The following GIPC2 variants were observed in gnomAD, a reference collection of about 807,000 sequenced individuals.
GIPC2 encodes GIPC PDZ domain containing family member 2.
In GIPC2, 30 loss-of-function variants were observed where a neutral mutation model predicts 30.6. That is an observed-to-expected ratio of 0.98 (90% CI 0.73 to 1.33). The LOEUF (loss-of-function observed/expected upper bound fraction) is 1.33, where lower values mean the gene tolerates loss of function less well. Ranked by LOEUF, GIPC2 falls within the 40% of genes most tolerant of loss-of-function variation. GIPC2 has a pLI of 0.00. For synonymous variants in GIPC2, 167 were observed against 150.0 expected (o/e 1.11, Z -0.83); for missense variants, 414 against 390.3 (o/e 1.06, Z -0.51).
chr1:78,112,376 G>C (rs559710458), intron 3 of GIPC2: 2 of 516,000 alleles, frequency 3.9e-6, no homozygotes, highest in Non-Finnish European at 7.8e-6. Context: ...CAACCTTGTT[G>C]ACCTTCTCTG....
chr1:78,080,563 C>T, intron 1 of GIPC2, 112 bp from the exon 2 acceptor site: 1 of 627,920 alleles, frequency 1.6e-6, no homozygotes, highest in Middle Eastern at 3.8e-4. Context: ...TATGATGTAA[C>T]TCTTTACATC....
intron 2 of GIPC2, among the ~76,000 whole-genome samples, chr1:78,083,880 A>G (rs1280087907): frequency 2.0e-5 from 3 of 152,222 alleles, no homozygotes; most frequent in Non-Finnish European, 4.4e-5. Flanking sequence ...ACAACAAGAT[A>G]TTCTAGACCC....
At chr1:78,104,931 G>T (rs1662316687) in intron 3 of GIPC2, among the ~76,000 whole-genome samples, 1 of 152,178 alleles carries the variant, frequency 6.6e-6, no homozygotes, top group Non-Finnish European at 1.5e-5. Flanking sequence ...TTATGTAGTA[G>T]AGTTTTTCCT....
intron 1 of GIPC2, among the ~76,000 whole-genome samples, chr1:78,061,049 G>C (rs1661383546): frequency 6.6e-6 from 1 of 152,170 alleles, no homozygotes; most frequent in Non-Finnish European, 1.5e-5. Context: ...AGGGCCACCA[G>C]GGAGTCCTTG....
At chr1:78,055,470 C>G (rs928000080) in intron 1 of GIPC2, among the ~76,000 whole-genome samples, 3 of 152,152 alleles carry the variant, frequency 2.0e-5, no homozygotes, top group Non-Finnish European at 1.5e-5. Context: ...CAGGTTAAAG[C>G]AGTAGCTTTA....
intron 3 of GIPC2, 123 bp from the exon 4 acceptor site, chr1:78,119,270 C>A: frequency 1.7e-6 from 1 of 580,670 alleles, no homozygotes. Flanking sequence ...AGAAGGCCTA[C>A]GTTTTATCAA....
intron 3 of GIPC2, among the ~76,000 whole-genome samples, chr1:78,104,182 A>AGGGGGGGGGGG (rs150902349): frequency 7.0e-5 from 10 of 143,554 alleles, no homozygotes; most frequent in African/African-American, 2.7e-4. Flanking sequence ...TAGAGGGGGG[A>AGGGGGGGGGGG]GAGGGGGCCG....
chr1:78,071,217 T>C (rs1255942937), intron 1 of GIPC2, among the ~76,000 whole-genome samples: 1 of 152,212 alleles, frequency 6.6e-6, no homozygotes, highest in Non-Finnish European at 1.5e-5. Context: ...TAAATTACTG[T>C]GTTTATAATA....
chr1:78,046,297 C>G lies in GIPC2; in HGVS notation c.203C>G (p.Ala68Gly). 2 of 1,611,768 alleles carry G rather than the reference C, an allele frequency of 1.2e-6. No homozygotes were observed. Among genetic ancestry groups the G allele is most frequent in the Non-Finnish European group, 8.5e-7 (1 of 1,179,530 alleles). ...TTCTCCAGCATCCAGGAGCTCTACG[C>G]CCAGATCGCGGGCGCGTTTGAAATC... is the stretch of plus-strand genomic sequence containing the variant. ...EGFSSIQELY[A>G]QIAGAFEISP... Residue 68 changes from alanine to glycine, a missense_variant, in exon 1 of 6, where the codon GCC becomes GGC. Ala to Gly is a moderately conservative substitution (Grantham distance 60). Transcript: ENST00000370759.
chr1:78,112,876 A>G (rs948138488), intron 3 of GIPC2, among the ~76,000 whole-genome samples: 7 of 152,162 alleles, frequency 4.6e-5, no homozygotes, highest in African/African-American at 1.7e-4. Flanking sequence ...ATATATAAAC[A>G]TTTTATTTTA....
At chr1:78,123,703 C>A (rs1203261275) in intron 4 of GIPC2, among the ~76,000 whole-genome samples, 1 of 152,068 alleles carries the variant, frequency 6.6e-6, no homozygotes, top group Non-Finnish European at 1.5e-5. Flanking sequence ...GGTGATAGAT[C>A]CAGATCTGTT....
At chr1:78,073,018 C>G (rs1214763703) in intron 1 of GIPC2, among the ~76,000 whole-genome samples, 1 of 151,258 alleles carries the variant, frequency 6.6e-6, no homozygotes, top group Non-Finnish European at 1.5e-5. Flanking sequence ...ACTGTATTAG[C>G]CAGGATGGTC....
chr1:78,101,405 C>CTGTGTTTAG (rs1486626922), intron 3 of GIPC2, among the ~76,000 whole-genome samples: 4 of 152,126 alleles, frequency 2.6e-5, no homozygotes, highest in Non-Finnish European at 1.5e-5. Flanking sequence ...GTTTAGAACA[C>CTGTGTTTAG]AAAGTAGAAT....
At position 78,137,438 on chromosome 1, in the gene GIPC2, T is replaced by A. The variant is rs573573072; in HGVS notation, c.*1695T>A. On this transcript the variant is annotated 3_prime_UTR_variant, in exon 6 of 6. Transcript: ENST00000370759. ...ATTTATCAGCACTAGATATTAGATT[T>A]GAAATAAGTCATTGTTCATTATTGA... 1.2e-4 allele frequency: 18 copies of A among 152,326 alleles called. No individual in the cohort carries two copies. Among genetic ancestry groups the A allele is most frequent in the African/African-American group, 4.3e-4 (18 of 41,582 alleles). 9.4% of individuals were successfully genotyped at this position (152,326 alleles called of 1,614,324 possible).
chr1:78,107,824 C>CAAAAAAAA (rs35134592), intron 3 of GIPC2, among the ~76,000 whole-genome samples: 11 of 28,766 alleles, frequency 3.8e-4, no homozygotes, highest in Non-Finnish European at 4.8e-4. Flanking sequence ...AACTCTGTCT[C>CAAAAAAAA]AAAAAAAAAA....
chr1:78,064,565 G>A (rs904288586), intron 1 of GIPC2, among the ~76,000 whole-genome samples: 1 of 152,140 alleles, frequency 6.6e-6, no homozygotes, highest in African/African-American at 2.4e-5. Flanking sequence ...GATAAAAAGG[G>A]AGGTGCGGGA....
intron 4 of GIPC2, among the ~76,000 whole-genome samples, chr1:78,122,122 A>G (rs544181050): frequency 7.2e-5 from 11 of 152,268 alleles, no homozygotes; most frequent in Non-Finnish European, 1.5e-4. Flanking sequence ...CTGGGGAGGT[A>G]GGAAAGATTC....
chr1:78,098,836 ACTAT>A (rs946567883), intron 3 of GIPC2, among the ~76,000 whole-genome samples: 20 of 152,270 alleles, frequency 1.3e-4, no homozygotes, highest in African/African-American at 4.6e-4. Context: ...CATGAAGATA[ACTAT>A]CTATCTGTAA....
At chr1:78,128,698 A>G (rs528348827) in intron 5 of GIPC2, among the ~76,000 whole-genome samples, 1 of 152,304 alleles carries the variant, frequency 6.6e-6, no homozygotes, top group South Asian at 2.1e-4. Flanking sequence ...AGTGAAAGAG[A>G]TATGATATAG....
Sources: allele counts gnomAD v4.1 joint callset (sites outside exome capture counted in the v4.1 genomes callset), GRCh38; gene constraint gnomAD v4.1.1; transcripts MANE v1.5; gene names NCBI Gene and HGNC (gene_info 2026-07-23, HGNC 2026-07-21).